The following HIGD2B variants were observed in gnomAD, a reference collection of about 807,000 sequenced individuals.
The protein encoded by HIGD2B is HIG1 domain family member 2B.
For missense variants in HIGD2B, 106 were observed against 67.0 expected (o/e 1.58, Z -2.03); for synonymous variants, 45 against 28.1 (o/e 1.60, Z -1.90).
intron 1 of HIGD2B, among the ~76,000 whole-genome samples, chr15:72,681,670 G>A (rs923092164): frequency 6.7e-6 from 1 of 149,136 alleles, no homozygotes; most frequent in Non-Finnish European, 1.5e-5. Flanking sequence ...GTGGTGGCGC[G>A]ATCTCATCTC....
At chr15:72,677,477 G>A (rs2064704767) in intron 2 of HIGD2B, among the ~76,000 whole-genome samples, 1 of 150,100 alleles carries the variant, frequency 6.7e-6, no homozygotes, top group African/African-American at 2.5e-5. Flanking sequence ...TAGGGGGTCT[G>A]GTAGGTGGGC....
chr15:72,676,163 T>C lies in HIGD2B; in HGVS notation c.212A>G (p.Asn71Ser), dbSNP rs764903479. ...TNGLYCFHQG[N>S]SQCSRLMMHT... ...CATCATAAGCCGTGAACATTGGCTG[T>C]TGCCCTGGTGGAAGCAGTAGAGGCC... The change falls in exon 3 of 3, where the codon AAC (asparagine) becomes AGC (serine). Residue 71 changes from asparagine to serine, a missense_variant. Coordinates refer to ENST00000311755, the MANE Select transcript of HIGD2B (RefSeq NM_001350932.3). 1.3e-6 allele frequency: 1 copy of C among 763,282 alleles called. No homozygotes were observed. The highest frequency in any genetic ancestry group is 2.4e-6 in the Non-Finnish European group (1 of 416,184). The allele number at this position is 763,282 out of a possible 1,614,324, so 47.3% of individuals were successfully genotyped here. A position where few individuals can be genotyped will look rare whatever the true frequency, so the allele number is the denominator to read the frequency against.
intron 2 of HIGD2B, among the ~76,000 whole-genome samples, chr15:72,676,713 C>G (rs1567383333): frequency 1.3e-5 from 2 of 152,068 alleles, no homozygotes; most frequent in East Asian, 1.9e-4. Flanking sequence ...CCATGCCCAG[C>G]CTACATGTTT....
Position 72,686,030 on chromosome 15 carries a change from C to A in HIGD2B, c.-405G>T, listed in dbSNP as rs1368856367. On this transcript the variant is annotated 5_prime_UTR_variant, in exon 1 of 3. Coordinates refer to ENST00000311755, the MANE Select transcript of HIGD2B (RefSeq NM_001350932.3). ...TCGGGATAAAGGCAGCGAGTGGCTG[C>A]GCATTCCCTCCCCGACTCTTTCAGA... 16 of 656,474 alleles carry A rather than the reference C, an allele frequency of 2.4e-5. No homozygotes were observed. Among genetic ancestry groups the A allele is most frequent in the African/African-American group, 3.6e-5 (2 of 55,688 alleles). The allele number at this position is 656,474 out of a possible 1,614,324, so 40.7% of individuals were successfully genotyped here.
At chr15:72,682,341 T>C in intron 1 of HIGD2B, 1 of 225,882 alleles carries the variant, frequency 4.4e-6, no homozygotes, top group South Asian at 7.7e-5. Flanking sequence ...GATGCTCTTC[T>C]CTCATTTCCC....
chr15:72,684,593 T>C (rs981669064), intron 1 of HIGD2B, among the ~76,000 whole-genome samples: 2 of 152,138 alleles, frequency 1.3e-5, no homozygotes, highest in African/African-American at 2.4e-5. Flanking sequence ...ATTCAAGCAA[T>C]TCTCCTGCCT....
intron 1 of HIGD2B, among the ~76,000 whole-genome samples, chr15:72,685,240 T>C (rs1412447501): frequency 6.6e-6 from 1 of 152,194 alleles, no homozygotes; most frequent in Non-Finnish European, 1.5e-5. Flanking sequence ...GAGAAACTTG[T>C]CTTAAATGCT....
rs148110148 is a variant in HIGD2B, at chr15:72,681,018, G to A, written c.-192-825C>T. Among the ~76,000 whole-genome samples, 463 of 152,256 alleles carry A rather than the reference G, an allele frequency of 3.0e-3. 1 individual carries two copies. Among genetic ancestry groups the A allele is most frequent in the Middle Eastern group, 0.01 (3 of 294 alleles). The stretch of plus-strand genomic sequence containing the variant: ...TGTCTGAGGTGGGGATGCCTGTCTG[G>A]TTCACTTGTTACTGCCTTGTTTATG... On this transcript the variant is annotated intron_variant, in intron 1 of 2. Coordinates refer to ENST00000311755, the MANE Select transcript of HIGD2B (RefSeq NM_001350932.3).
intron 1 of HIGD2B, among the ~76,000 whole-genome samples, chr15:72,681,984 A>C (rs1352869610): frequency 6.6e-6 from 1 of 152,172 alleles, no homozygotes; most frequent in Non-Finnish European, 1.5e-5. Context: ...CACTACCTTG[A>C]TTATAGACGC....
chr15:72,681,063 C>A (rs191331359), intron 1 of HIGD2B, among the ~76,000 whole-genome samples: 1 of 152,148 alleles, frequency 6.6e-6, no homozygotes, highest in East Asian at 1.9e-4. Flanking sequence ...TAGTACTTAG[C>A]TTCCGCTGTT....
intron 1 of HIGD2B, among the ~76,000 whole-genome samples, chr15:72,683,367 A>G (rs556063596): frequency 5.3e-5 from 8 of 152,254 alleles, no homozygotes; most frequent in South Asian, 2.1e-4. Context: ...GGCAAAAAGA[A>G]TATGTGTTAA....
rs866311519 is a variant in HIGD2B, at chr15:72,681,643, G to A, written c.-192-1450C>T. 6.6e-5 allele frequency among the ~76,000 whole-genome samples: 9 copies of A among 137,176 alleles called. No individual in the cohort carries two copies. The East Asian group carries it at 1.0e-3, about 16-fold the overall frequency. The allele number at this position is 137,176 out of a possible 152,430, so 90.0% of individuals were successfully genotyped here. On this transcript the variant is annotated intron_variant, in intron 1 of 2. Coordinates refer to ENST00000311755, the MANE Select transcript of HIGD2B (RefSeq NM_001350932.3). ...TTTTGAGGCAAAGTCTTGCTCTGTC[G>A]CCCAGGCTGGAGTGCAGTGGTGGCG...
rs2064823515 is a variant in HIGD2B, at chr15:72,686,062, C to G, written c.-437G>C. On this transcript the variant is annotated 5_prime_UTR_variant, in exon 1 of 3. Transcript: ENST00000311755. The stretch of plus-strand genomic sequence containing the variant: ...CCTCCCCGACTCTTTCAGAGGTAAG[C>G]CTTCTGTGGAGCAGACCCTAATCCT... The G allele has an allele frequency of 1.3e-6, 1 of 746,650 alleles. No individual in the cohort carries two copies. Among genetic ancestry groups the G allele is most frequent in the Admixed American group, 2.1e-5 (1 of 46,996 alleles). 46.3% of individuals were successfully genotyped at this position (746,650 alleles called of 1,614,324 possible). A position where few individuals can be genotyped will look rare whatever the true frequency, so the allele number is the denominator to read the frequency against.
At position 72,686,091 on chromosome 15, in the gene HIGD2B, CCT is replaced by C. The variant is rs1303370509; in HGVS notation, c.-468_-467del. On this transcript the variant is annotated 5_prime_UTR_variant, in exon 1 of 3. Coordinates refer to ENST00000311755, the MANE Select transcript of HIGD2B (RefSeq NM_001350932.3). ...CTGTGGAGCAGACCCTAATCCTCCC[CCT>C]GATTCCTTAGGTCACTCGGCGATTT... 95 of 916,410 alleles carry C rather than the reference CCT, an allele frequency of 1.0e-4. 1 individual carries two copies. The East Asian group carries it at 1.9e-3, about 19-fold the overall frequency. The allele number at this position is 916,410 out of a possible 1,614,324, so 56.8% of individuals were successfully genotyped here.
chr15:72,684,959 A>T (rs1353205037), intron 1 of HIGD2B, among the ~76,000 whole-genome samples: 3 of 152,054 alleles, frequency 2.0e-5, no homozygotes, highest in Non-Finnish European at 2.9e-5. Context: ...AATTTTTTGT[A>T]TTTTTAGTAG....
intron 2 of HIGD2B, among the ~76,000 whole-genome samples, chr15:72,677,647 A>G (rs1318086900): frequency 6.6e-6 from 1 of 151,798 alleles, no homozygotes; most frequent in Non-Finnish European, 1.5e-5. Flanking sequence ...CTGTGATCTC[A>G]ACTACTCAAG....
chr15:72,679,085 G>C (rs973674463), intron 2 of HIGD2B, among the ~76,000 whole-genome samples: 1 of 151,598 alleles, frequency 6.6e-6, no homozygotes, highest in Non-Finnish European at 1.5e-5. Flanking sequence ...GAAAGAAAGA[G>C]GGCAGCCAGG....
intron 1 of HIGD2B, among the ~76,000 whole-genome samples, chr15:72,680,941 T>C (rs548524241): frequency 3.3e-5 from 5 of 152,180 alleles, no homozygotes; most frequent in Non-Finnish European, 7.4e-5. Flanking sequence ...GAGACAGGGA[T>C]GTACAACTTG....
intron 2 of HIGD2B, among the ~76,000 whole-genome samples, chr15:72,679,617 C>T (rs1323568047): frequency 6.6e-6 from 1 of 152,042 alleles, no homozygotes; most frequent in Non-Finnish European, 1.5e-5. Context: ...TACCCCTCCT[C>T]AAGATGTAAT....
Sources: gnomAD v4.1 joint callset for allele counts (sites outside exome capture counted in the v4.1 genomes callset) on GRCh38, gnomAD v4.1.1 for gene constraint, MANE v1.5 for transcripts, NCBI Gene and HGNC (gene_info 2026-07-23, HGNC 2026-07-21) for gene names.